CCSER1: variants seen among roughly 807,000 people sequenced by gnomAD.
CCSER1 encodes serine-rich coiled-coil domain-containing protein 1.
In CCSER1, 41 loss-of-function variants were observed where a neutral mutation model predicts 82.0. The ratio of observed to expected loss-of-function variants is 0.50; its 90% CI spans 0.39 to 0.65. The LOEUF is 0.65. CCSER1 is among the 30% of genes least tolerant of loss of function. The probability of loss-of-function intolerance (pLI) is 0.00; values close to 1 mark genes in which losing one functional copy is unlikely to be tolerated. For synonymous variants in CCSER1, 414 were observed against 383.9 expected (o/e 1.08, Z -0.92); for missense variants, 1,119 against 1,064.2 (o/e 1.05, Z -0.72).
At chr4:90,295,942 G>A (rs1375725846) in intron 1 of CCSER1, among the ~76,000 whole-genome samples, 1 of 151,866 alleles carries the variant, frequency 6.6e-6, no homozygotes, top group African/African-American at 2.4e-5. Flanking sequence ...GACCTGTGAT[G>A]ACATTTTTTT....
chr4:90,912,236 G>T (rs1175732503), intron 8 of CCSER1, among the ~76,000 whole-genome samples: 1 of 151,958 alleles, frequency 6.6e-6, no homozygotes, highest in Non-Finnish European at 1.5e-5. Context: ...TTATGTGTCT[G>T]CCCAGTAGGG....
chr4:90,529,048 TA>T (rs1774151024), intron 5 of CCSER1, among the ~76,000 whole-genome samples: 1 of 152,104 alleles, frequency 6.6e-6, no homozygotes, highest in Non-Finnish European at 1.5e-5. Context: ...TCTTGCTGAC[TA>T]AATTTATATT....
At position 90,422,537 on chromosome 4, in the gene CCSER1, G is replaced by T. The variant is rs569959493; in HGVS notation, c.1603+22408G>T. Among the ~76,000 whole-genome samples the T allele has an allele frequency of 2.0e-5, 3 of 152,230 alleles. No homozygotes were observed. In the South Asian group the frequency reaches 6.2e-4, roughly 32 times the overall value. On this transcript the variant is annotated intron_variant, in intron 4 of 10. Transcript: ENST00000509176. Reference sequence around the variant, plus strand: ...TTACACCCAGGAAGTTGAGGCTGCTGTGAGTCATGATTGCACCACTGCACT... The same window carrying T: ...TTACACCCAGGAAGTTGAGGCTGCTTTGAGTCATGATTGCACCACTGCACT...
chr4:90,873,527 G>T (rs1766828329), intron 8 of CCSER1, among the ~76,000 whole-genome samples: 1 of 151,960 alleles, frequency 6.6e-6, no homozygotes, highest in South Asian at 2.1e-4. Context: ...CAATGGTATT[G>T]ACCTTTAAAA....
intron 5 of CCSER1, among the ~76,000 whole-genome samples, chr4:90,586,704 AT>A (rs1299792816): frequency 1.3e-5 from 2 of 152,220 alleles, no homozygotes; most frequent in African/African-American, 2.4e-5. Flanking sequence ...TTAAATAAAA[AT>A]CATTTTCATT....
At chr4:90,511,091 CA>C (rs2153617239) in intron 5 of CCSER1, among the ~76,000 whole-genome samples, 2 of 152,212 alleles carry the variant, frequency 1.3e-5, no homozygotes, top group South Asian at 4.1e-4. Context: ...AGTAATCAAC[CA>C]ACTCAAATGT....
chr4:91,519,154 C>T (rs571221213), intron 10 of CCSER1, among the ~76,000 whole-genome samples: 8 of 152,278 alleles, frequency 5.3e-5, no homozygotes, highest in South Asian at 4.1e-4. Context: ...CAGGAGGCTG[C>T]GCCCAATGAG....
At chr4:90,298,420 T>G (rs1482751061) in intron 1 of CCSER1, among the ~76,000 whole-genome samples, 1 of 151,532 alleles carries the variant, frequency 6.6e-6, no homozygotes, top group East Asian at 1.9e-4. Flanking sequence ...GTCTATCAAT[T>G]TTGTTGATCC....
intron 10 of CCSER1, among the ~76,000 whole-genome samples, chr4:91,481,446 GT>G (rs1448399637): frequency 6.6e-6 from 1 of 152,012 alleles, no homozygotes; most frequent in Admixed American, 6.6e-5. Flanking sequence ...CACAAATCAG[GT>G]TGGTTGAGGA....
At chr4:90,443,661 A>G in intron 4 of CCSER1, among the ~76,000 whole-genome samples, 1 of 152,230 alleles carries the variant, frequency 6.6e-6, no homozygotes, top group Middle Eastern at 3.4e-3. Context: ...AATATATTTT[A>G]TATTTTTCAT....
At chr4:90,963,131 T>A (rs948665123) in intron 9 of CCSER1, among the ~76,000 whole-genome samples, 1 of 152,190 alleles carries the variant, frequency 6.6e-6, no homozygotes, top group African/African-American at 2.4e-5. Context: ...ATATTTATAG[T>A]TGTACTGAAC....
chr4:90,866,458 A>T (rs2150010041), intron 8 of CCSER1, among the ~76,000 whole-genome samples: 1 of 152,182 alleles, frequency 6.6e-6, no homozygotes, highest in Non-Finnish European at 1.5e-5. Flanking sequence ...TTGTATAGGC[A>T]TTAGCCAAAA....
At chr4:91,290,823 A>C (rs975356956) in intron 10 of CCSER1, among the ~76,000 whole-genome samples, 1 of 152,014 alleles carries the variant, frequency 6.6e-6, no homozygotes, top group African/African-American at 2.4e-5. Flanking sequence ...TTATTCTAAA[A>C]CAGAATAACA....
At chr4:90,588,343 T>C (rs527341463) in intron 5 of CCSER1, among the ~76,000 whole-genome samples, 1 of 152,352 alleles carries the variant, frequency 6.6e-6, no homozygotes, top group African/African-American at 2.4e-5. Flanking sequence ...TATTCTAAAT[T>C]CTTTGTTGTC....
intron 7 of CCSER1, among the ~76,000 whole-genome samples, chr4:90,736,905 C>T (rs1745745674): frequency 6.6e-6 from 1 of 151,970 alleles, no homozygotes; most frequent in African/African-American, 2.4e-5. Context: ...CAAGTAACAA[C>T]TTATAACCCA....
intron 4 of CCSER1, among the ~76,000 whole-genome samples, chr4:90,416,958 A>G (rs936061397): frequency 6.6e-6 from 1 of 152,200 alleles, no homozygotes; most frequent in African/African-American, 2.4e-5. Flanking sequence ...ACAGAAAACC[A>G]AACACCACAT....
At chr4:91,239,294 T>C (rs1011894070) in intron 10 of CCSER1, among the ~76,000 whole-genome samples, 1 of 67,294 alleles carries the variant, frequency 1.5e-5, no homozygotes, top group African/African-American at 6.2e-5. Context: ...AGTCTCATTT[T>C]AGAATGTGCG....
rs775519610 is a variant in CCSER1, at chr4:91,142,043, A to G, written c.2217+56049A>G. ...TCAAAATTTGTGAATATTTTCTCCA[A>G]TTCTGCAGATTGTCTGCTTACCCTG... On this transcript the variant is annotated intron_variant, in intron 10 of 10. Coordinates refer to ENST00000509176, the MANE Select transcript of CCSER1 (RefSeq NM_001145065.2). Among the ~76,000 whole-genome samples the G allele has an allele frequency of 9.9e-5, 15 of 152,112 alleles. 1 individual carries two copies. The highest frequency in any genetic ancestry group is 1.9e-4 in the East Asian group (1 of 5,188).
At chr4:90,187,328 A>G (rs1734789168) in intron 1 of CCSER1, among the ~76,000 whole-genome samples, 1 of 151,304 alleles carries the variant, frequency 6.6e-6, no homozygotes, top group Non-Finnish European at 1.5e-5. Flanking sequence ...AAAATCAATG[A>G]CATTGTAGAT....
Sources: allele counts gnomAD v4.1 joint callset (sites outside exome capture counted in the v4.1 genomes callset), GRCh38; gene constraint gnomAD v4.1.1; transcripts MANE v1.5; gene names NCBI Gene and HGNC (gene_info 2026-07-23, HGNC 2026-07-21).